The following ENOSF1 variants were observed in gnomAD, a reference collection of about 807,000 sequenced individuals.
The protein encoded by ENOSF1 is enolase superfamily member 1, also known as mitochondrial enolase superfamily member 1.
ENOSF1 carries 73 observed loss-of-function variants against 68.2 expected under a neutral mutation model. The ratio of observed to expected loss-of-function variants is 1.07; its 90% CI spans 0.89 to 1.30. ENOSF1 has a LOEUF of 1.30. Ranked by LOEUF, ENOSF1 falls within the 50% of genes most tolerant of loss-of-function variation. The pLI, the probability that ENOSF1 is intolerant of heterozygous loss-of-function variation, is 0.00. For synonymous variants in ENOSF1, 223 were observed against 210.4 expected (o/e 1.06, Z -0.52); for missense variants, 589 against 554.5 (o/e 1.06, Z -0.62).
At chr18:691,650 G>A (rs188063503) in intron 5 of ENOSF1, 140 of 196,338 alleles carry the variant, frequency 7.1e-4, no homozygotes, top group African/African-American at 3.3e-3. Context: ...CTAAGAAGTT[G>A]CTTATGGTGA....
chr18:696,420 C>T (rs960540169), intron 3 of ENOSF1, among the ~76,000 whole-genome samples: 2 of 151,770 alleles, frequency 1.3e-5, no homozygotes, highest in African/African-American at 2.4e-5. Flanking sequence ...ACCATGTTAG[C>T]CAGGATGGTC....
chr18:667,017 AGATGGAGATGGT>A (rs1170118319), downstream of ENOSF1, among the ~76,000 whole-genome samples: 17 of 4,580 alleles, frequency 3.7e-3, 2 homozygotes, highest in East Asian at 0.016. Context: ...ATGGTGATGG[AGATGGAGATGGT>A]GATGGAGATG....
intron 2 of ENOSF1, among the ~76,000 whole-genome samples, chr18:700,890 C>CAAAAA (rs71174273): frequency 2.3e-4 from 15 of 64,878 alleles, no homozygotes; most frequent in African/African-American, 7.3e-4. Flanking sequence ...AACTCTGCCT[C>CAAAAA]AAAAAAAAAA....
intron 1 of ENOSF1, among the ~76,000 whole-genome samples, chr18:709,220 G>A (rs1340783250): frequency 2.6e-5 from 4 of 152,162 alleles, no homozygotes; most frequent in African/African-American, 7.2e-5. Context: ...GGGTGGCACC[G>A]AAGTCAGAAT....
downstream of ENOSF1, among the ~76,000 whole-genome samples, chr18:665,881 A>G (rs2074807350): frequency 1.0e-5 from 1 of 97,774 alleles, no homozygotes; most frequent in African/African-American, 6.7e-5. Flanking sequence ...TCTGAGAGAT[A>G]GTTTGTTATA....
chr18:710,236 G>A (rs2079363294), intron 1 of ENOSF1, among the ~76,000 whole-genome samples: 1 of 152,074 alleles, frequency 6.6e-6, no homozygotes, highest in Non-Finnish European at 1.5e-5. Flanking sequence ...AGCCTCCTGA[G>A]TGGCTGGGAC....
At position 670,577 on chromosome 18, in the gene ENOSF1, C is replaced by T; in HGVS notation, c.*3728G>A. ...GACATCACTGCAGCCCAGTGGCTCT[C>T]TCTCCTGGTCTCCACCATATGAGTT... On this transcript the variant is annotated 3_prime_UTR_variant, in exon 16 of 16. Coordinates refer to ENST00000647584, the MANE Select transcript of ENOSF1 (RefSeq NM_017512.7). 8.7e-7 allele frequency: 1 copy of T among 1,144,118 alleles called. No homozygotes were observed. The highest frequency in any genetic ancestry group is 1.5e-5 in the South Asian group (1 of 67,590). The allele number at this position is 1,144,118 out of a possible 1,614,324, so 70.9% of individuals were successfully genotyped here.
intron 1 of ENOSF1, among the ~76,000 whole-genome samples, chr18:707,314 C>A (rs1159148375): frequency 2.0e-5 from 3 of 152,296 alleles, no homozygotes; most frequent in African/African-American, 4.8e-5. Flanking sequence ...CATGAGCCAT[C>A]ATGCCCGGAA....
At chr18:674,800 G>GT (rs1191535133) in intron 15 of ENOSF1, among the ~76,000 whole-genome samples, 2 of 152,184 alleles carry the variant, frequency 1.3e-5, no homozygotes, top group Non-Finnish European at 2.9e-5. Context: ...GATTACAGGC[G>GT]TAAGCCACCA....
At chr18:710,130 A>G (rs1032720963) in intron 1 of ENOSF1, among the ~76,000 whole-genome samples, 10 of 152,004 alleles carry the variant, frequency 6.6e-5, no homozygotes, top group African/African-American at 2.4e-4. Flanking sequence ...GTCTTTTGAG[A>G]CAGGGTCTCT....
intron 4 of ENOSF1, 145 bp from the exon 5 acceptor site, chr18:694,053 A>G: frequency 9.4e-7 from 1 of 1,061,244 alleles, no homozygotes; most frequent in South Asian, 1.5e-5. Context: ...GCCTTCCGCC[A>G]TCCTGTCTCC....
intron 2 of ENOSF1, among the ~76,000 whole-genome samples, chr18:702,769 A>G (rs888493880): frequency 9.2e-5 from 14 of 152,166 alleles, no homozygotes; most frequent in Non-Finnish European, 1.5e-4. Flanking sequence ...AAAACTTTAA[A>G]AACATAAAAA....
chr18:703,427 G>A (rs2078588579), intron 2 of ENOSF1, among the ~76,000 whole-genome samples: 1 of 152,134 alleles, frequency 6.6e-6, no homozygotes, highest in African/African-American at 2.4e-5. Flanking sequence ...CAACCTTTGG[G>A]GGCTGTGCTG....
At chr18:702,959 G>A (rs916944673) in intron 2 of ENOSF1, among the ~76,000 whole-genome samples, 1 of 152,074 alleles carries the variant, frequency 6.6e-6, no homozygotes, top group Non-Finnish European at 1.5e-5. Context: ...CAGATGATTA[G>A]GTAAGTAAGC....
At chr18:689,527 C>G (rs1165538086) in intron 8 of ENOSF1, among the ~76,000 whole-genome samples, 5 of 152,134 alleles carry the variant, frequency 3.3e-5, no homozygotes. Flanking sequence ...GGTGATCCAC[C>G]CACCTCAGCC....
intron 2 of ENOSF1, among the ~76,000 whole-genome samples, chr18:700,275 G>A (rs1186831953): frequency 1.3e-5 from 2 of 152,142 alleles, no homozygotes; most frequent in African/African-American, 4.8e-5. Context: ...AGAATTGTGA[G>A]AAGACAGAGT....
intron 11 of ENOSF1, among the ~76,000 whole-genome samples, chr18:680,867 A>G (rs1004342059): frequency 6.2e-5 from 9 of 145,864 alleles, no homozygotes; most frequent in African/African-American, 2.3e-4. Flanking sequence ...TTTTTCTGAG[A>G]TGGAGTCTCG....
chr18:691,349 A>G, intron 5 of ENOSF1, 73 bp from the exon 6 acceptor site: 1 of 1,299,312 alleles, frequency 7.7e-7, no homozygotes, highest in Non-Finnish European at 1.1e-6. Flanking sequence ...TTTAAAATTT[A>G]TTATTCTTTT....
At position 688,559 on chromosome 18, in the gene ENOSF1, C is replaced by T. The variant is rs781513421; in HGVS notation, c.653+15G>A. 1 of 1,613,902 alleles carries T rather than the reference C, an allele frequency of 6.2e-7. No individual in the cohort carries two copies. The highest frequency in any genetic ancestry group is 1.3e-5 in the African/African-American group (1 of 74,922). The stretch of plus-strand genomic sequence containing the variant: ...TGCCGCCAACTGGGAAAGTCAGGTC[C>T]ATCATCACACTCACCTGGTCCAGCC... On this transcript the variant is annotated intron_variant, in intron 9 of 15. Coordinates refer to ENST00000647584, the MANE Select transcript of ENOSF1 (RefSeq NM_017512.7).
Sources: gnomAD v4.1 joint callset for allele counts (sites outside exome capture counted in the v4.1 genomes callset) on GRCh38, gnomAD v4.1.1 for gene constraint, MANE v1.5 for transcripts, NCBI Gene and HGNC (gene_info 2026-07-23, HGNC 2026-07-21) for gene names.